The following ACACB variants were observed in gnomAD, a reference collection of about 807,000 sequenced individuals.
ACACB encodes the protein acetyl-CoA carboxylase beta.
Under a neutral mutation model 278.8 loss-of-function variants are expected in ACACB, and 209 were observed. The observed-to-expected ratio is 0.75, with a 90% CI of 0.67 to 0.84. The LOEUF (loss-of-function observed/expected upper bound fraction) is 0.84. Ranked by LOEUF, ACACB falls within the 40% of genes least tolerant of loss-of-function variation. ACACB has a pLI of 0.00. For missense variants in ACACB, 2,850 were observed against 3,269.0 expected (o/e 0.87, Z 3.13); for synonymous variants, 1,174 against 1,285.6 (o/e 0.91, Z 1.86).
chr12:109,208,301 C>T (rs375478700), intron 20 of ACACB, among the ~76,000 whole-genome samples: 2 of 151,656 alleles, frequency 1.3e-5, no homozygotes, highest in African/African-American at 2.4e-5. Context: ...ACTACAACCT[C>T]GACCTCTGGG....
chr12:109,195,776 G>C (rs2045103128), intron 16 of ACACB, among the ~76,000 whole-genome samples: 1 of 151,912 alleles, frequency 6.6e-6, no homozygotes, highest in African/African-American at 2.4e-5. Flanking sequence ...CTGTCTCCCT[G>C]AACTTTTAAT....
At chr12:109,238,434 A>G (rs2046698548) in intron 34 of ACACB, among the ~76,000 whole-genome samples, 1 of 133,270 alleles carries the variant, frequency 7.5e-6, no homozygotes, top group Non-Finnish European at 1.6e-5. Flanking sequence ...ATAATATATT[A>G]TATAATATAA....
chr12:109,175,153 C>G (rs896463622), intron 7 of ACACB, among the ~76,000 whole-genome samples: 1 of 152,126 alleles, frequency 6.6e-6, no homozygotes, highest in African/African-American at 2.4e-5. Flanking sequence ...GGATAAATTC[C>G]TAACAGTGGA....
At chr12:109,201,928 CA>C (rs2045346636) in intron 19 of ACACB, among the ~76,000 whole-genome samples, 1 of 152,182 alleles carries the variant, frequency 6.6e-6, no homozygotes, top group Non-Finnish European at 1.5e-5. Flanking sequence ...GAGCAAAACC[CA>C]ATTTCTGCCA....
intron 1 of ACACB, among the ~76,000 whole-genome samples, chr12:109,132,906 T>C (rs945270268): frequency 6.6e-6 from 1 of 152,180 alleles, no homozygotes; most frequent in Admixed American, 6.5e-5. Flanking sequence ...AGCTGGCCAC[T>C]GCATTCGTCA....
intron 33 of ACACB, chr12:109,236,102 G>T: frequency 6.3e-6 from 1 of 159,304 alleles, no homozygotes; most frequent in Non-Finnish European, 1.4e-5. Flanking sequence ...GAATAGCTGG[G>T]ACTATAGGCA....
At chr12:109,115,397 A>AT (rs2042383991), upstream of ACACB, among the ~76,000 whole-genome samples, 2 of 152,144 alleles carry the variant, frequency 1.3e-5, no homozygotes, top group South Asian at 2.1e-4. Flanking sequence ...AAGCCTAAGA[A>AT]TTTTTTTCAA....
chr12:109,222,062 AT>A lies in ACACB; in HGVS notation c.3565-434del, dbSNP rs1303716386. 5.5e-4 allele frequency among the ~76,000 whole-genome samples: 77 copies of A among 139,000 alleles called. No individual in the cohort carries two copies. In the South Asian group the frequency reaches 9.2e-3, roughly 17 times the overall value. 91.2% of individuals were successfully genotyped at this position (139,000 alleles called of 152,430 possible). ...GCCACCATGCCCGGCTAATTTTTCT[AT>A]TTTTTTTTTTGTAGAGACAAGGTTT... On this transcript the variant is annotated intron_variant, in intron 24 of 52. Coordinates refer to ENST00000338432, the MANE Select transcript of ACACB (RefSeq NM_001093.4).
chr12:109,138,713 A>G (rs1451455103), intron 1 of ACACB, among the ~76,000 whole-genome samples: 2 of 152,140 alleles, frequency 1.3e-5, no homozygotes, highest in Non-Finnish European at 2.9e-5. Flanking sequence ...AAAATTAGCT[A>G]GGCATGGTGG....
At chr12:109,204,478 T>C (rs1444685469) in intron 19 of ACACB, among the ~76,000 whole-genome samples, 2 of 151,982 alleles carry the variant, frequency 1.3e-5, no homozygotes, top group African/African-American at 4.8e-5. Context: ...TTTCACCATG[T>C]TGGCCAGGCT....
At position 109,254,269 on chromosome 12, in the gene ACACB, T is replaced by C. The variant is rs910034631; in HGVS notation, c.6101T>C (p.Ile2034Thr). ...CCCACTGACCCCATTGACAGAGAAA[T>C]TGAATTCCTCCCATCCAGAGCTCCC... is the stretch of plus-strand genomic sequence containing the variant. ...ITPTDPIDRE[I>T]EFLPSRAPYD... The change falls in exon 44 of 53, where the codon ATT becomes ACT. Residue 2034 changes from isoleucine to threonine, a missense_variant. Physicochemically the swap from Ile to Thr is moderately conservative, Grantham distance 89 (BLOSUM62 -1). Coordinates refer to ENST00000338432, the MANE Select transcript of ACACB (RefSeq NM_001093.4). The C allele has an allele frequency of 6.2e-7, 1 of 1,613,328 alleles. No individual in the cohort carries two copies. Among genetic ancestry groups the C allele is most frequent in the East Asian group, 2.2e-5 (1 of 44,848 alleles).
chr12:109,178,869 C>A (rs2044362987), intron 9 of ACACB, among the ~76,000 whole-genome samples: 1 of 152,174 alleles, frequency 6.6e-6, no homozygotes, highest in African/African-American at 2.4e-5. Context: ...CCACCTGGGG[C>A]CGTCCCCCAC....
chr12:109,135,850 C>T (rs1026635337), intron 1 of ACACB, among the ~76,000 whole-genome samples: 1 of 148,606 alleles, frequency 6.7e-6, no homozygotes, highest in African/African-American at 2.5e-5. Context: ...TGCTCTGTCG[C>T]CCAGGCTGGA....
intron 44 of ACACB, 77 bp from the exon 45 acceptor site, chr12:109,256,063 T>C (rs2047215674): frequency 8.5e-7 from 1 of 1,178,520 alleles, no homozygotes; most frequent in South Asian, 1.3e-5. Context: ...TTAGGGAGCT[T>C]TTGCACAGCC....
Position 109,209,938 on chromosome 12 carries a change from TACAC to T in ACACB, c.3249+590_3249+593del, listed in dbSNP as rs1276726530. ...GTGTGTATATATGTGTATACACACATACACACACGTGTGTGTATATATGTGTATA... is the reference window on the plus strand; with the variant it reads ...GTGTGTATATATGTGTATACACACATACACGTGTGTGTATATATGTGTATA... On this transcript the variant is annotated intron_variant, in intron 21 of 52. Coordinates refer to ENST00000338432, the MANE Select transcript of ACACB (RefSeq NM_001093.4). Among the ~76,000 whole-genome samples the T allele has an allele frequency of 1.6e-4, 11 of 69,582 alleles. 2 individuals carry two copies. The highest frequency in any genetic ancestry group is 1.3e-3 in the East Asian group (3 of 2,244). The allele number at this position is 69,582 out of a possible 152,430, so 45.6% of individuals were successfully genotyped here. A position where few individuals can be genotyped will look rare whatever the true frequency, so the allele number is the denominator to read the frequency against.
intron 28 of ACACB, among the ~76,000 whole-genome samples, chr12:109,228,248 A>C (rs1410863706): frequency 6.6e-6 from 1 of 151,388 alleles, no homozygotes; most frequent in African/African-American, 2.4e-5. Flanking sequence ...CTGAGGGAGA[A>C]CTGCTCGAAC....
intron 21 of ACACB, among the ~76,000 whole-genome samples, chr12:109,209,707 G>C (rs963989458): frequency 6.6e-6 from 1 of 150,910 alleles, no homozygotes; most frequent in African/African-American, 2.4e-5. Context: ...TTTTTCACTG[G>C]TTTGCAGCTT....
At position 109,246,328 on chromosome 12, in the gene ACACB, C is replaced by T. The variant is rs1489279798; in HGVS notation, c.5451C>T (p.Ala1817=). Residue 1817 remains alanine (A), a synonymous_variant, in exon 39 of 53, where the codon GCC becomes GCT. Transcript: ENST00000338432. Reference sequence around the variant, plus strand: ...TGTACCTGCGGGCATCCGAGATGGCCCGGGCAGAGGGCATTCCCAAAATTT... The same window carrying T: ...TGTACCTGCGGGCATCCGAGATGGCTCGGGCAGAGGGCATTCCCAAAATTT... ...DLLYLRASEM[A]RAEGIPKIYV... 1.9e-6 allele frequency: 3 copies of T among 1,612,716 alleles called. No homozygotes were observed. The highest frequency in any genetic ancestry group is 2.5e-6 in the Non-Finnish European group (3 of 1,179,818).
chr12:109,145,822 A>C (rs2043230090), intron 2 of ACACB, among the ~76,000 whole-genome samples: 1 of 151,622 alleles, frequency 6.6e-6, no homozygotes, highest in Non-Finnish European at 1.5e-5. Context: ...AACACGGCAA[A>C]ACCCCATCTC....
Sources: gnomAD v4.1 joint callset for allele counts (sites outside exome capture counted in the v4.1 genomes callset) on GRCh38, gnomAD v4.1.1 for gene constraint, MANE v1.5 for transcripts, NCBI Gene and HGNC (gene_info 2026-07-23, HGNC 2026-07-21) for gene names.